The following PLBD1 variants were observed in gnomAD, a reference collection of about 807,000 sequenced individuals.
PLBD1 encodes the protein lysosomal leucine aminopeptidase.
A neutral mutation model predicts 63.0 loss-of-function variants in PLBD1; 60 were observed. That is an observed-to-expected ratio of 0.95 (90% CI 0.77 to 1.18). The LOEUF (loss-of-function observed/expected upper bound fraction) is 1.18, where lower values mean the gene tolerates loss of function less well. Ranked by LOEUF, PLBD1 falls within the 50% of genes most tolerant of loss-of-function variation. The pLI, the probability that PLBD1 is intolerant of heterozygous loss-of-function variation, is 0.00. For synonymous variants in PLBD1, 262 were observed against 248.0 expected, an observed-to-expected ratio of 1.06 and a Z score of -0.53; for missense variants, 598 against 677.9, an observed-to-expected ratio of 0.88 and a Z score of 1.31.
chr12:14,542,120 G>T, intron 3 of PLBD1, 88 bp downstream of exon 3: 2 of 1,141,640 alleles, frequency 1.8e-6, no homozygotes, highest in Non-Finnish European at 2.6e-6. Flanking sequence ...AGATTAAAAA[G>T]AAATTGGCAA....
At chr12:14,531,529 T>C (rs987149865) in intron 6 of PLBD1, among the ~76,000 whole-genome samples, 2 of 152,334 alleles carry the variant, frequency 1.3e-5, no homozygotes, top group Middle Eastern at 3.4e-3. Context: ...TAATTTGTTT[T>C]ATGGTTACTA....
In PLBD1 at chr12:14,567,720, C is replaced by T. The variant is rs1467233226; in HGVS notation, c.-24G>A. On this transcript the variant is annotated 5_prime_UTR_variant, in exon 1 of 11. Transcript: ENST00000240617. Reference sequence around the variant, plus strand: ...ATCGCTCCACGGCCGCGACCTTCCTCTGCGGGATCAGGCGGCCGCGGTGGC... The same window carrying T: ...ATCGCTCCACGGCCGCGACCTTCCTTTGCGGGATCAGGCGGCCGCGGTGGC... 20 of 1,401,092 alleles carry T rather than the reference C, an allele frequency of 1.4e-5. No homozygotes were observed. The highest frequency in any genetic ancestry group is 1.7e-5 in the Non-Finnish European group (19 of 1,090,578). The allele number at this position is 1,401,092 out of a possible 1,614,324, so 86.8% of individuals were successfully genotyped here.
chr12:14,534,547 T>TC (rs533279496), intron 6 of PLBD1, among the ~76,000 whole-genome samples: 42,164 of 136,920 alleles, frequency 0.31, 6,412 homozygotes, highest in East Asian at 0.54. Flanking sequence ...TCTTTTCTTT[T>TC]TTTTTTTTTT....
At chr12:14,512,722 C>T (rs1213681093) in intron 6 of PLBD1, among the ~76,000 whole-genome samples, 1 of 152,134 alleles carries the variant, frequency 6.6e-6, no homozygotes, top group East Asian at 1.9e-4. Context: ...CAGTGTTAAA[C>T]AGAAAAGGAC....
At chr12:14,527,053 T>G (rs1331960929) in intron 6 of PLBD1, among the ~76,000 whole-genome samples, 1 of 152,196 alleles carries the variant, frequency 6.6e-6, no homozygotes, top group African/African-American at 2.4e-5. Context: ...TATGGGGAAG[T>G]GATGAGGTTT....
At chr12:14,560,641 G>A (rs1840084890) in intron 1 of PLBD1, among the ~76,000 whole-genome samples, 1 of 152,186 alleles carries the variant, frequency 6.6e-6, no homozygotes, top group African/African-American at 2.4e-5. Flanking sequence ...CTTCATCGGA[G>A]TCACTAACGA....
At chr12:14,524,859 AGAAAGAACAAAATT>A (rs1226408013) in intron 6 of PLBD1, among the ~76,000 whole-genome samples, 1 of 152,250 alleles carries the variant, frequency 6.6e-6, no homozygotes, top group Non-Finnish European at 1.5e-5. Flanking sequence ...TAGAAATTAA[AGAAAGAACAAAATT>A]GAAATTCTAG....
chr12:14,510,759 CCACT>C (rs1163371457), intron 8 of PLBD1, among the ~76,000 whole-genome samples: 1 of 152,080 alleles, frequency 6.6e-6, no homozygotes, highest in Admixed American at 6.6e-5. Context: ...CTGACTCCAC[CCACT>C]AACAGCCACG....
chr12:14,542,269 T>C lies in PLBD1; in HGVS notation c.358A>G (p.Asn120Asp), dbSNP rs1207074866. 1 of 1,610,164 alleles carries C rather than the reference T, an allele frequency of 6.2e-7. No individual in the cohort carries two copies. The highest frequency in any genetic ancestry group is 8.5e-7 in the Non-Finnish European group (1 of 1,176,386). The part of the protein sequence containing the change: ...TAPHMNDHYT[N>D]LYPQLITKPS... ...TTCGTGATCAGCTGTGGGTAGAGGT[T>C]TGTGTAGTGGTCATTCATGTGTCTG... Residue 120 changes from asparagine (N) to aspartate (D), a missense_variant, in exon 3 of 11, where the codon AAC becomes GAC. Coordinates refer to ENST00000240617, the MANE Select transcript of PLBD1 (RefSeq NM_024829.6).
chr12:14,544,365 G>T (rs958197107), intron 2 of PLBD1, among the ~76,000 whole-genome samples: 2 of 152,104 alleles, frequency 1.3e-5, no homozygotes, highest in Non-Finnish European at 2.9e-5. Context: ...GTAGAGATGG[G>T]GTTTTGCCAT....
chr12:14,504,396 A>G (rs772197021), intron 10 of PLBD1, among the ~76,000 whole-genome samples: 6 of 152,308 alleles, frequency 3.9e-5, no homozygotes, highest in Non-Finnish European at 7.4e-5. Context: ...CATTGTCTTT[A>G]TATGATACAG....
intron 10 of PLBD1, among the ~76,000 whole-genome samples, chr12:14,505,296 CAG>C (rs1190229291): frequency 3.3e-5 from 5 of 152,030 alleles, no homozygotes; most frequent in African/African-American, 1.2e-4. Flanking sequence ...GAGCCAAAGA[CAG>C]AATACACACT....
At chr12:14,547,180 T>TGTGTGTG (rs1945622435) in intron 2 of PLBD1, among the ~76,000 whole-genome samples, 3 of 138,142 alleles carry the variant, frequency 2.2e-5, no homozygotes, top group Admixed American at 7.2e-5. Flanking sequence ...GCACCTGGCT[T>TGTGTGTG]TGTGTGTGTG....
intron 2 of PLBD1, among the ~76,000 whole-genome samples, chr12:14,545,672 C>T (rs1035386651): frequency 1.3e-5 from 2 of 152,176 alleles, no homozygotes; most frequent in African/African-American, 4.8e-5. Flanking sequence ...TTTGAAACTT[C>T]AGATATTCTT....
At position 14,507,100 on chromosome 12, in the gene PLBD1, T is replaced by C. The variant is rs762382039; in HGVS notation, c.1205A>G (p.Asn402Ser). 33 of 1,609,314 alleles carry C rather than the reference T, an allele frequency of 2.1e-5. No homozygotes were observed. In the Admixed American group the frequency reaches 2.2e-4, roughly 11 times the overall value. Residue 402 changes from asparagine to serine, a missense_variant, in exon 9 of 11, where the codon AAT becomes AGT. Coordinates refer to ENST00000240617, the MANE Select transcript of PLBD1 (RefSeq NM_024829.6). The part of the protein sequence containing the change: ...VLRKGYWPSY[N>S]VPFHEKIYNW... The stretch of plus-strand genomic sequence containing the variant: ...GTAGATTTTTTCATGGAAAGGAACA[T>C]TGTAGGAGGGCCAATATCCTGATTT...
chr12:14,520,703 G>T (rs1945367802), intron 6 of PLBD1, among the ~76,000 whole-genome samples: 1 of 152,200 alleles, frequency 6.6e-6, no homozygotes, highest in African/African-American at 2.4e-5. Context: ...GAAACATTCT[G>T]CCTTTGCCAC....
intron 6 of PLBD1, among the ~76,000 whole-genome samples, chr12:14,529,796 A>G (rs1244646929): frequency 6.6e-6 from 1 of 152,166 alleles, no homozygotes; most frequent in African/African-American, 2.4e-5. Flanking sequence ...AAAAACAATC[A>G]AAGACATACA....
intron 1 of PLBD1, among the ~76,000 whole-genome samples, chr12:14,563,926 G>A (rs1029439876): frequency 3.9e-5 from 6 of 152,138 alleles, no homozygotes; most frequent in East Asian, 1.9e-4. Context: ...GCCTTATGTC[G>A]AATGAATTTG....
At chr12:14,552,652 A>G (rs759647368) in intron 2 of PLBD1, among the ~76,000 whole-genome samples, 24 of 152,148 alleles carry the variant, frequency 1.6e-4, no homozygotes, top group Non-Finnish European at 3.4e-4. Flanking sequence ...TGTAATTCCA[A>G]CACGTTGGGA....
Sources: allele counts gnomAD v4.1 joint callset (sites outside exome capture counted in the v4.1 genomes callset), GRCh38; gene constraint gnomAD v4.1.1; transcripts MANE v1.5; gene names NCBI Gene and HGNC (gene_info 2026-07-23, HGNC 2026-07-21).